CLIC3: variants seen among roughly 807,000 people sequenced by gnomAD.
CLIC3 encodes the protein CLIC family member 3, also known as chloride intracellular channel protein 3.
Under a neutral mutation model 19.9 loss-of-function variants are expected in CLIC3, and 29 were observed. That is an observed-to-expected ratio of 1.46 (90% CI 1.09 to 1.99). CLIC3 has a LOEUF of 1.99. CLIC3 is among the 30% of genes most tolerant of loss of function. CLIC3 has a pLI of 0.00. For missense variants in CLIC3, 365 were observed against 342.6 expected, an observed-to-expected ratio of 1.07 and a Z score of -0.52; for synonymous variants, 143 against 156.4, an observed-to-expected ratio of 0.91 and a Z score of 0.64.
rs1830689504 is a variant in CLIC3 at position 136,995,478 on chromosome 9, A to G, written c.233T>C (p.Ile78Thr). 1 of 1,612,462 alleles carries G rather than the reference A, an allele frequency of 6.2e-7. No homozygotes were observed. The highest frequency in any genetic ancestry group is 8.5e-7 in the Non-Finnish European group (1 of 1,179,860). ...DSDAKTDTLQ[I>T]EDFLEETLGP... is the part of the protein sequence containing the mutation. ...CAGCGTCTCCTCCAGAAAGTCCTCG[A>G]TCTGCAGCGTGTCTGTCTTGGCGTC... is the stretch of plus-strand genomic sequence containing the variant. The change falls in exon 3 of 6, where the codon ATC (isoleucine) becomes ACC (threonine). Residue 78 changes from isoleucine to threonine, a missense_variant. Transcript: ENST00000494426.
chr9:136,994,781 C>T lies in CLIC3; in HGVS notation c.611G>A (p.Arg204His). ...CTCCTGCATCGCGCTGTCCAGGTAG[C>T]GGCGTACGCCGCGCAGCTCCGCGGG... Reference protein sequence around the residue: ...PIPAELRGVRRYLDSAMQEKE... With the variant: ...PIPAELRGVRHYLDSAMQEKE... Residue 204 changes from arginine to histidine, a missense_variant, in exon 6 of 6, where the codon CGC becomes CAC. By Grantham distance (29) the Arg-to-His change is conservative. Transcript: ENST00000494426. 5 of 1,596,060 alleles carry T rather than the reference C, an allele frequency of 3.1e-6. No homozygotes were observed. Among genetic ancestry groups the T allele is most frequent in the Non-Finnish European group, 4.3e-6 (5 of 1,172,106 alleles).
Position 136,996,557 on chromosome 9 carries a change from G to A in CLIC3, c.-14C>T, listed in dbSNP as rs540501501. ...GGTCTCCGCCATGGTGGGAGCTGCC[G>A]CGGTCAGGCGCGGGTGGGGACCTGG... On this transcript the variant is annotated 5_prime_UTR_variant, in exon 1 of 6. Coordinates refer to ENST00000494426, the MANE Select transcript of CLIC3 (RefSeq NM_004669.3). 33 of 1,552,124 alleles carry A rather than the reference G, an allele frequency of 2.1e-5. No homozygotes were observed. The highest frequency in any genetic ancestry group is 4.1e-5 in the African/African-American group (3 of 73,286).
At chr9:136,996,189 C>G (rs1830702379) in intron 1 of CLIC3, among the ~76,000 whole-genome samples, 1 of 152,160 alleles carries the variant, frequency 6.6e-6, no homozygotes, top group African/African-American at 2.4e-5. Context: ...GCCCAGCACC[C>G]CCCATCCTGG....
At position 136,994,928 on chromosome 9, in the gene CLIC3, A is replaced by T; in HGVS notation, c.552+2T>A. On this transcript the variant is annotated splice_donor_variant, in intron 5 of 5. Transcript: ENST00000494426. LOFTEE classifies it high-confidence loss of function. ...TCCCGCCCGCCCACCTTCCGTGCTC[A>T]CGTCGACGATGTGCAGCTTGGGCAG... is the stretch of plus-strand genomic sequence containing the variant. 2 of 1,430,398 alleles carry T rather than the reference A, an allele frequency of 1.4e-6. No individual in the cohort carries two copies. The highest frequency in any genetic ancestry group is 1.3e-5 in the South Asian group (1 of 76,608). 88.6% of individuals were successfully genotyped at this position (1,430,398 alleles called of 1,614,324 possible). A position where few individuals can be genotyped will look rare whatever the true frequency, so the allele number is the denominator to read the frequency against.
At chr9:136,995,890 C>T (rs1319213454) in intron 1 of CLIC3, 133 bp from the exon 2 acceptor site, 11 of 641,824 alleles carry the variant, frequency 1.7e-5, no homozygotes, top group Admixed American at 2.9e-5. Flanking sequence ...TTGGTCGGCG[C>T]GACTTCCAAG....
chr9:136,995,020 C>A lies in CLIC3; in HGVS notation c.462G>T (p.Pro154=). The change falls in exon 5 of 6, where the codon CCG becomes CCT. Residue 154 remains proline (P), a synonymous_variant. Coordinates refer to ENST00000494426, the MANE Select transcript of CLIC3 (RefSeq NM_004669.3). The part of the protein sequence containing the change: ...APLEHELAGE[P]QLRESRRRFL... ...AGCGGCGGCGGGACTCGCGCAGCTG[C>A]GGCTCCCCCGCCAGCTCGTGCTCCA... is the stretch of plus-strand genomic sequence containing the variant. 6.6e-7 allele frequency: 1 copy of A among 1,506,962 alleles called. No individual in the cohort carries two copies. The highest frequency in any genetic ancestry group is 8.8e-7 in the Non-Finnish European group (1 of 1,133,094). The allele number at this position is 1,506,962 out of a possible 1,614,324, so 93.3% of individuals were successfully genotyped here.
At position 136,995,712 on chromosome 9, in the gene CLIC3, G is replaced by A. The variant is rs559372697; in HGVS notation, c.79C>T (p.Arg27Trp). ...ESVGHCPSCQ[R>W]LFMVLLLKGV... ...TTGAGGAGCAGGACCATGAAGAGCCGCTGGCAGGAGGGGCAGTGACCCACG... is the reference window on the plus strand; with the variant it reads ...TTGAGGAGCAGGACCATGAAGAGCCACTGGCAGGAGGGGCAGTGACCCACG... Residue 27 changes from arginine (R) to tryptophan (W), a missense_variant, in exon 2 of 6, where the codon CGG becomes TGG. Transcript: ENST00000494426. 1.2e-6 allele frequency: 2 copies of A among 1,603,660 alleles called. No homozygotes were observed. Among genetic ancestry groups the A allele is most frequent in the South Asian group, 1.1e-5 (1 of 89,810 alleles).
Position 136,995,169 on chromosome 9 carries a change from C to G in CLIC3, c.376+17G>C. 1 of 1,607,286 alleles carries G rather than the reference C, an allele frequency of 6.2e-7. No homozygotes were observed. Among genetic ancestry groups the G allele is most frequent in the Non-Finnish European group, 8.5e-7 (1 of 1,177,568 alleles). On this transcript the variant is annotated intron_variant, in intron 4 of 5. Transcript: ENST00000494426. ...CGCCCTCCCGCCTGGGCACCCGACC[C>G]CCTGACCCCGCTTCACCTTCGTCCT... is the stretch of plus-strand genomic sequence containing the variant.
rs1830706523 is a variant in CLIC3 at position 136,996,539 on chromosome 9, G to GC, written c.4dup (p.Ala2GlyfsTer13). ...GACAAACAGCTGGAGCTTGGTCTCCGCCATGGTGGGAGCTGCCGCGGTCAG... is the reference window on the plus strand; with the variant it reads ...GACAAACAGCTGGAGCTTGGTCTCCGCCCATGGTGGGAGCTGCCGCGGTCAG... On this transcript the variant is annotated frameshift_variant, in exon 1 of 6. Transcript: ENST00000494426. LOFTEE classifies it high-confidence loss of function. 61 of 1,554,194 alleles carry GC rather than the reference G, an allele frequency of 3.9e-5. No homozygotes were observed. Among genetic ancestry groups the GC allele is most frequent in the Non-Finnish European group, 5.2e-5 (60 of 1,148,480 alleles).
intron 3 of CLIC3, 46 bp from the exon 4 acceptor site, chr9:136,995,338 G>C (rs749327182): frequency 6.2e-7 from 1 of 1,608,354 alleles, no homozygotes. Flanking sequence ...GGGCAGCCCC[G>C]TCCCGGCCCC....
chr9:136,996,450 GC>G (rs1356476416), intron 1 of CLIC3, 60 bp downstream of exon 1: 1 of 1,477,702 alleles, frequency 6.8e-7, no homozygotes, highest in African/African-American at 1.4e-5. Context: ...GCCACAGAAA[GC>G]AAAGCCCAGA....
In CLIC3 at chr9:136,995,537, G is replaced by C. The variant is rs774305456; in HGVS notation, c.174C>G (p.Pro58=). Residue 58 remains proline, a synonymous_variant, in exon 3 of 6, where the codon CCC becomes CCG. Transcript: ENST00000494426. ...AGAGCAGGATGGGCAGCTGCGAGCC[G>C]GGGGCGAAGTCCTTCAGCACGTCCG... ...RSPDVLKDFA[P]GSQLPILLYD... 6.2e-7 allele frequency: 1 copy of C among 1,612,190 alleles called. No individual in the cohort carries two copies.
At position 136,995,745 on chromosome 9, in the gene CLIC3, C is replaced by G; in HGVS notation, c.46G>C (p.Gly16Arg). The change falls in exon 2 of 6, where the codon GGG (glycine) becomes CGG (arginine). Residue 16 changes from glycine to arginine, a missense_variant. Physicochemically the swap from Gly to Arg is moderately radical, Grantham distance 125. Transcript: ENST00000494426. ...LQLFVKASED[G>R]ESVGHCPSCQ... Reference sequence around the variant, plus strand: ...GAGGGGCAGTGACCCACGCTCTCCCCGTCCTCACTCGCCTGGGTGGGTGGA... The same window carrying G: ...GAGGGGCAGTGACCCACGCTCTCCCGGTCCTCACTCGCCTGGGTGGGTGGA... The G allele has an allele frequency of 6.4e-7, 1 of 1,564,280 alleles. No individual in the cohort carries two copies. Among genetic ancestry groups the G allele is most frequent in the South Asian group, 1.2e-5 (1 of 86,188 alleles).
At position 136,995,305 on chromosome 9, in the gene CLIC3, G is replaced by C; in HGVS notation, c.270-13C>G. On this transcript the variant is annotated splice_polypyrimidine_tract_variant and intron_variant, in intron 3 of 5. Transcript: ENST00000494426. ...CAGGCTGGGGAAGCTGCGGGATGAGGGGGTGGGACTCCATTAGACTGGGGG... is the reference window on the plus strand; with the variant it reads ...CAGGCTGGGGAAGCTGCGGGATGAGCGGGTGGGACTCCATTAGACTGGGGG... 1 of 1,611,040 alleles carries C rather than the reference G, an allele frequency of 6.2e-7. No homozygotes were observed. The highest frequency in any genetic ancestry group is 2.2e-5 in the East Asian group (1 of 44,852).
chr9:136,995,231 T>A lies in CLIC3; in HGVS notation c.331A>T (p.Lys111Ter). 6 of 1,612,808 alleles carry A rather than the reference T, an allele frequency of 3.7e-6. No homozygotes were observed. Among genetic ancestry groups the A allele is most frequent in the Non-Finnish European group, 5.1e-6 (6 of 1,179,882 alleles). ...GGGTTCTTGATGAACGCGGAGAACT[T>A]GTGGAAAACGTCGTTGCCGGCGGTG... ...SNTAGNDVFHKFSAFIKNPVP... is the reference protein window; with the variant it reads ...SNTAGNDVFH Residue 111 changes from lysine (K) to a stop codon, truncating the protein, a stop_gained, in exon 4 of 6, where the codon AAG becomes TAG. Coordinates refer to ENST00000494426, the MANE Select transcript of CLIC3 (RefSeq NM_004669.3). LOFTEE classifies it high-confidence loss of function.
rs1239401051 is a variant in CLIC3 at position 136,994,983 on chromosome 9, C to T, written c.499G>A (p.Asp167Asn). ...CTGCAGTCGGCCAGCGTGAGCCTGTCGCCGTCCAGGAAGCGGCGGCGGGAC... is the reference window on the plus strand; with the variant it reads ...CTGCAGTCGGCCAGCGTGAGCCTGTTGCCGTCCAGGAAGCGGCGGCGGGAC... ...RESRRRFLDG[D>N]RLTLADCSLL... Residue 167 changes from aspartate to asparagine, a missense_variant, in exon 5 of 6, where the codon GAC becomes AAC. Asp to Asn is a conservative substitution (Grantham distance 23, BLOSUM62 1). Coordinates refer to ENST00000494426, the MANE Select transcript of CLIC3 (RefSeq NM_004669.3). 1.3e-5 allele frequency: 19 copies of T among 1,498,966 alleles called. No individual in the cohort carries two copies. In the East Asian group the frequency reaches 5.0e-4, roughly 39 times the overall value. The allele number at this position is 1,498,966 out of a possible 1,614,324, so 92.9% of individuals were successfully genotyped here.
rs1369148931 is a variant in CLIC3 at position 136,994,777 on chromosome 9, G to T, written c.615C>A (p.Tyr205Ter). The stretch of plus-strand genomic sequence containing the variant: ...CTTTCTCCTGCATCGCGCTGTCCAG[G>T]TAGCGGCGTACGCCGCGCAGCTCCG... Reference protein sequence around the residue: ...IPAELRGVRRYLDSAMQEKEF... With the variant: ...IPAELRGVRR Residue 205 changes from tyrosine (Y) to a stop codon, truncating the protein, a stop_gained, in exon 6 of 6, where the codon TAC (tyrosine) becomes TAA (stop). Transcript: ENST00000494426. LOFTEE classifies it high-confidence loss of function. 6.3e-7 allele frequency: 1 copy of T among 1,598,482 alleles called. No homozygotes were observed. The highest frequency in any genetic ancestry group is 1.7e-5 in the Admixed American group (1 of 58,200).
In CLIC3 at chr9:136,994,823, A is replaced by T; in HGVS notation, c.569T>A (p.Phe190Tyr). 1 of 1,574,704 alleles carries T rather than the reference A, an allele frequency of 6.4e-7. No homozygotes were observed. Among genetic ancestry groups the T allele is most frequent in the African/African-American group, 1.4e-5 (1 of 73,998 alleles). The change falls in exon 6 of 6, where the codon TTC becomes TAC. Residue 190 changes from phenylalanine to tyrosine, a missense_variant. By Grantham distance (22) the Phe-to-Tyr change is conservative. Coordinates refer to ENST00000494426, the MANE Select transcript of CLIC3 (RefSeq NM_004669.3). ...LHIVDTVCAH[F>Y]RQAPIPAELR... Reference sequence around the variant, plus strand: ...CTCCGCGGGGATGGGCGCCTGGCGGAAGTGCGCGCACACCGTCTGCGGGCA... The same window carrying T: ...CTCCGCGGGGATGGGCGCCTGGCGGTAGTGCGCGCACACCGTCTGCGGGCA...
At chr9:136,995,834 C>T in intron 1 of CLIC3, 77 bp from the exon 2 acceptor site, 1 of 991,356 alleles carries the variant, frequency 1.0e-6, no homozygotes, top group Non-Finnish European at 1.5e-6. Context: ...TGGGCGGGAC[C>T]CGCCTCCCAC....
Sources: gnomAD v4.1 joint callset for allele counts (sites outside exome capture counted in the v4.1 genomes callset) on GRCh38, gnomAD v4.1.1 for gene constraint, MANE v1.5 for transcripts, NCBI Gene and HGNC (gene_info 2026-07-23, HGNC 2026-07-21) for gene names.